Variants in ERBB4 observed in about 807,000 individuals in gnomAD.
The protein encoded by ERBB4 is receptor tyrosine-protein kinase erbB-4.
In ERBB4, 42 loss-of-function variants were observed where a neutral mutation model predicts 158.0. The observed-to-expected ratio is 0.27, with a 90% CI of 0.21 to 0.34. The LOEUF (loss-of-function observed/expected upper bound fraction) is 0.34. Ranked by LOEUF, ERBB4 falls within the 10% of genes least tolerant of loss-of-function variation. The pLI, the probability that ERBB4 is intolerant of heterozygous loss-of-function variation, is 1.00. For missense variants in ERBB4, 1,333 were observed against 1,624.1 expected (o/e 0.82, Z 3.08); for synonymous variants, 583 against 558.7 (o/e 1.04, Z -0.61).
intron 3 of ERBB4, among the ~76,000 whole-genome samples, chr2:211,881,789 G>T (rs996887358): frequency 3.9e-5 from 6 of 151,976 alleles, no homozygotes; most frequent in Admixed American, 1.3e-4. Context: ...TCCTTCTTTT[G>T]TCTATTAAAC....
At chr2:212,285,698 T>C (rs2085934045) in intron 1 of ERBB4, among the ~76,000 whole-genome samples, 2 of 152,144 alleles carry the variant, frequency 1.3e-5, no homozygotes, top group South Asian at 4.1e-4. Flanking sequence ...CTTACAATAT[T>C]TTAAGAGGAG....
At position 211,774,959 on chromosome 2, in the gene ERBB4, T is replaced by C. The variant is rs562832257; in HGVS notation, c.556+13066A>G. On this transcript the variant is annotated intron_variant, in intron 4 of 27. Coordinates refer to ENST00000342788, the MANE Select transcript of ERBB4 (RefSeq NM_005235.3). Reference sequence around the variant, plus strand: ...GGAGTTCAGTAGAGTGACTAGAATTTAAGATAGTTCGATGTTGAACTTAAA... The same window carrying C: ...GGAGTTCAGTAGAGTGACTAGAATTCAAGATAGTTCGATGTTGAACTTAAA... Among the ~76,000 whole-genome samples, 3 of 152,296 alleles carry C rather than the reference T, an allele frequency of 2.0e-5. No homozygotes were observed. The East Asian group carries it at 5.8e-4, about 29-fold the overall frequency.
chr2:211,422,445 G>A (rs2063532915), intron 23 of ERBB4, among the ~76,000 whole-genome samples: 1 of 148,066 alleles, frequency 6.8e-6, no homozygotes, highest in South Asian at 2.1e-4. Flanking sequence ...CGGGAAAAGA[G>A]GAATTAAAAG....
At chr2:211,423,812 T>C (rs1471608932) in intron 23 of ERBB4, among the ~76,000 whole-genome samples, 3 of 151,612 alleles carry the variant, frequency 2.0e-5, no homozygotes, top group Non-Finnish European at 2.9e-5. Flanking sequence ...AGGTCACTAA[T>C]GTTTGATATT....
At chr2:211,426,162 ACTT>A (rs1559155910) in intron 22 of ERBB4, among the ~76,000 whole-genome samples, 2 of 130,708 alleles carry the variant, frequency 1.5e-5, no homozygotes, top group East Asian at 2.3e-4. Context: ...AAAAAACTCT[ACTT>A]CTTCTGATAA....
chr2:211,796,562 A>G (rs1014611755), intron 3 of ERBB4, among the ~76,000 whole-genome samples: 7 of 152,110 alleles, frequency 4.6e-5, no homozygotes, highest in African/African-American at 1.7e-4. Flanking sequence ...GTAGTATATG[A>G]GAAATCTAGT....
chr2:211,946,576 C>CTTTTTTTTTTTTTTTTTTTT (rs56007115), intron 3 of ERBB4, among the ~76,000 whole-genome samples: 1 of 49,568 alleles, frequency 2.0e-5, no homozygotes, highest in African/African-American at 7.8e-5. Flanking sequence ...AATTAGCTCT[C>CTTTTTTTTTTTTTTTTTTTT]TTTTTTTTTT....
intron 1 of ERBB4, among the ~76,000 whole-genome samples, chr2:212,516,567 G>A (rs902207292): frequency 2.0e-5 from 3 of 152,034 alleles, no homozygotes; most frequent in African/African-American, 7.2e-5. Context: ...ACAGTCCCAT[G>A]TCTCATATAT....
chr2:211,754,359 T>C (rs1256855345), intron 4 of ERBB4, among the ~76,000 whole-genome samples: 1 of 151,860 alleles, frequency 6.6e-6, no homozygotes, highest in Admixed American at 6.6e-5. Flanking sequence ...CCCACTTCCA[T>C]GTCTCAACCT....
intron 1 of ERBB4, among the ~76,000 whole-genome samples, chr2:212,518,932 C>T (rs1264622491): frequency 6.6e-6 from 1 of 151,848 alleles, no homozygotes; most frequent in Non-Finnish European, 1.5e-5. Flanking sequence ...TTTCACAGTC[C>T]TGAGACTACT....
chr2:212,050,424 A>G (rs1328651818), intron 2 of ERBB4, among the ~76,000 whole-genome samples: 1 of 152,162 alleles, frequency 6.6e-6, no homozygotes, highest in Non-Finnish European at 1.5e-5. Flanking sequence ...TAAAGTGATA[A>G]ATGTGATGGA....
intron 1 of ERBB4, among the ~76,000 whole-genome samples, chr2:212,428,826 G>A (rs1415126675): frequency 6.6e-6 from 1 of 152,052 alleles, no homozygotes; most frequent in Non-Finnish European, 1.5e-5. Context: ...CACTAAGTCT[G>A]GGAAAGGAAG....
chr2:211,910,636 T>A (rs1392990874), intron 3 of ERBB4, among the ~76,000 whole-genome samples: 1 of 151,960 alleles, frequency 6.6e-6, no homozygotes, highest in East Asian at 1.9e-4. Context: ...CTAGGCTTAA[T>A]ACCCAGGTGA....
chr2:212,037,541 T>C (rs1363189947), intron 2 of ERBB4, among the ~76,000 whole-genome samples: 2 of 152,200 alleles, frequency 1.3e-5, no homozygotes, highest in Non-Finnish European at 2.9e-5. Context: ...CATTCAAGAT[T>C]TGTACGTTCC....
chr2:212,068,773 T>G (rs934345257), intron 2 of ERBB4, among the ~76,000 whole-genome samples: 7 of 152,116 alleles, frequency 4.6e-5, no homozygotes, highest in South Asian at 2.1e-4. Flanking sequence ...TGGAATGAAC[T>G]GTTGTCCAAT....
chr2:211,513,141 A>T (rs2065923805), intron 20 of ERBB4, among the ~76,000 whole-genome samples: 1 of 152,010 alleles, frequency 6.6e-6, no homozygotes, highest in African/African-American at 2.4e-5. Flanking sequence ...TTTAAAAAAA[A>T]AAGAAAAAAG....
chr2:212,192,201 A>G (rs2082294638), intron 1 of ERBB4, among the ~76,000 whole-genome samples: 1 of 116,202 alleles, frequency 8.6e-6, no homozygotes, highest in Admixed American at 1.1e-4. Flanking sequence ...AGATATATAT[A>G]TTCTTTTTTA....
chr2:212,411,006 ATAAAT>A (rs1260745494), intron 1 of ERBB4, among the ~76,000 whole-genome samples: 1 of 151,516 alleles, frequency 6.6e-6, no homozygotes, highest in Non-Finnish European at 1.5e-5. Context: ...TTATATTTAG[ATAAAT>A]TAAAACATTT....
At chr2:212,479,585 T>C (rs1000015018) in intron 1 of ERBB4, among the ~76,000 whole-genome samples, 1 of 152,122 alleles carries the variant, frequency 6.6e-6, no homozygotes, top group African/African-American at 2.4e-5. Context: ...TTAACATCCC[T>C]ACTTTAATGA....
Sources: allele counts gnomAD v4.1 joint callset (sites outside exome capture counted in the v4.1 genomes callset), GRCh38; gene constraint gnomAD v4.1.1; transcripts MANE v1.5; gene names NCBI Gene and HGNC (gene_info 2026-07-23, HGNC 2026-07-21).